The following STAC3 variants were observed in gnomAD, a reference collection of about 807,000 sequenced individuals.
STAC3 encodes SH3 and cysteine-rich domain-containing protein 3.
A neutral mutation model predicts 48.5 loss-of-function variants in STAC3; 30 were observed. The ratio of observed to expected loss-of-function variants is 0.62; its 90% CI spans 0.46 to 0.84. The LOEUF (loss-of-function observed/expected upper bound fraction) is 0.84, where lower values mean the gene tolerates loss of function less well. STAC3 is among the 40% of genes least tolerant of loss of function. STAC3 has a pLI of 0.00. For missense variants in STAC3, 419 were observed against 462.6 expected (o/e 0.91, Z 0.86); for synonymous variants, 144 against 158.6 (o/e 0.91, Z 0.69).
chr12:57,246,727 G>T, intron 6 of STAC3, 77 bp downstream of exon 6: 1 of 1,360,376 alleles, frequency 7.4e-7, no homozygotes, highest in Non-Finnish European at 1.0e-6. Flanking sequence ...CATTACTTCT[G>T]TCAGCTTTCC....
At chr12:57,244,779 G>A in intron 8 of STAC3, 137 bp downstream of exon 8, 2 of 1,368,864 alleles carry the variant, frequency 1.5e-6, no homozygotes, top group Non-Finnish European at 2.1e-6. Context: ...GGGTGTGCAA[G>A]TTGATGGAGA....
At chr12:57,245,311 G>A in intron 6 of STAC3, 100 bp from the exon 7 acceptor site, 3 of 1,084,080 alleles carry the variant, frequency 2.8e-6, no homozygotes, top group Non-Finnish European at 4.1e-6. Context: ...GGATCTCAGA[G>A]ATCTCAGAGT....
intron 2 of STAC3, 38 bp from the exon 3 acceptor site, chr12:57,249,346 A>G (rs748951997): frequency 6.5e-7 from 1 of 1,543,270 alleles, no homozygotes; most frequent in Non-Finnish European, 8.7e-7. Flanking sequence ...TGTTAAAAGG[A>G]CTTGTCACCC....
chr12:57,243,946 C>G (rs750916277), intron 11 of STAC3, 36 bp from the exon 12 acceptor site: 71 of 1,610,700 alleles, frequency 4.4e-5, no homozygotes, highest in Non-Finnish European at 5.9e-5. Context: ...GGAGAGGAAT[C>G]AAAGGAAAAG....
chr12:57,245,261 C>G (rs765305646), intron 6 of STAC3, 50 bp from the exon 7 acceptor site: 1 of 1,540,416 alleles, frequency 6.5e-7, no homozygotes, highest in African/African-American at 1.4e-5. Flanking sequence ...AACACATGCC[C>G]TGGCTGTCTA....
At position 57,244,336 on chromosome 12, in the gene STAC3, G is replaced by A. The variant is rs1321357605; in HGVS notation, c.837C>T (p.Asp279=). The change falls in exon 10 of 12, where the codon GAC becomes GAT. Residue 279 remains aspartate, a synonymous_variant. Transcript: ENST00000332782. Reference sequence around the variant, plus strand: ...TCACCCGCCACCATTCTTCATTGGAGTCATCAATGACTGTGATCTTCTCTC... The same window carrying A: ...TCACCCGCCACCATTCTTCATTGGAATCATCAATGACTGTGATCTTCTCTC... ...PPGEKITVID[D]SNEEWWRGKI... 1.9e-6 allele frequency: 3 copies of A among 1,614,182 alleles called. No individual in the cohort carries two copies. The highest frequency in any genetic ancestry group is 2.5e-6 in the Non-Finnish European group (3 of 1,180,052).
intron 1 of STAC3, among the ~76,000 whole-genome samples, chr12:57,250,031 C>T (rs2037865383): frequency 6.6e-6 from 1 of 152,212 alleles, no homozygotes; most frequent in African/African-American, 2.4e-5. Context: ...GCGTGAGCCA[C>T]TGCACTGGGC....
intron 9 of STAC3, 54 bp from the exon 10 acceptor site, chr12:57,244,420 C>T (rs1033003445): frequency 1.9e-6 from 3 of 1,612,364 alleles, no homozygotes; most frequent in East Asian, 2.2e-5. Flanking sequence ...TGCTGTGCCC[C>T]GGGTCCAGCA....
At position 57,244,485 on chromosome 12, in the gene STAC3, G is replaced by A. The variant is rs372589509; in HGVS notation, c.806+52C>T. The A allele has an allele frequency of 3.8e-5, 61 of 1,612,592 alleles. No individual in the cohort carries two copies. The African/African-American group carries it at 7.7e-4, about 20-fold the overall frequency. On this transcript the variant is annotated intron_variant, in intron 9 of 11. Transcript: ENST00000332782. Reference sequence around the variant, plus strand: ...TTTTCCTTTCCCTTGGGGGAACCCAGCTCTTTCCTCTTCACTCCGCAGTAC... The same window carrying A: ...TTTTCCTTTCCCTTGGGGGAACCCAACTCTTTCCTCTTCACTCCGCAGTAC...
chr12:57,243,548 A>C lies in STAC3; in HGVS notation c.*264T>G. The C allele has an allele frequency of 2.3e-6, 1 of 434,722 alleles. No individual in the cohort carries two copies. 26.9% of individuals were successfully genotyped at this position (434,722 alleles called of 1,614,324 possible). On this transcript the variant is annotated 3_prime_UTR_variant, in exon 12 of 12. Coordinates refer to ENST00000332782, the MANE Select transcript of STAC3 (RefSeq NM_145064.3). ...CCCGCCCCAGTCCCTGGCTCCTCCTAGTAGATACGCGTTTTTTTCCAGCTC... is the reference window on the plus strand; with the variant it reads ...CCCGCCCCAGTCCCTGGCTCCTCCTCGTAGATACGCGTTTTTTTCCAGCTC...
Position 57,243,887 on chromosome 12 carries a change from T to G in STAC3, c.1020A>C (p.Glu340Asp). The change falls in exon 12 of 12, where the codon GAA becomes GAC. Residue 340 changes from glutamate (E) to aspartate (D), a missense_variant. Transcript: ENST00000332782. Reference protein sequence around the residue: ...KDQIVVQKGDEAGGYVKVYTG... With the variant: ...KDQIVVQKGDDAGGYVKVYTG... ...TGTAGACCTTGACGTAGCCGCCCGC[T>G]TCGTCTCCTTTCTGCACCACGATCT... The G allele has an allele frequency of 6.2e-7, 1 of 1,613,710 alleles. No homozygotes were observed. The highest frequency in any genetic ancestry group is 8.5e-7 in the Non-Finnish European group (1 of 1,179,880).
chr12:57,246,767 C>T (rs2037751018), intron 6 of STAC3, 37 bp downstream of exon 6: 1 of 1,569,200 alleles, frequency 6.4e-7, no homozygotes, highest in African/African-American at 1.4e-5. Flanking sequence ...TCCATGGGAT[C>T]TCTGGGAGGG....
In STAC3 at chr12:57,248,151, CT is replaced by C. The variant is rs754352517; in HGVS notation, c.479del (p.Gln160ArgfsTer26). 22 of 1,613,992 alleles carry C rather than the reference CT, an allele frequency of 1.4e-5. No individual in the cohort carries two copies. The highest frequency in any genetic ancestry group is 1.8e-5 in the Non-Finnish European group (21 of 1,179,992). ...RAYSSPLYSNQQYACVKDLSA... is the reference protein window; with the variant it reads ...RAYSSPLYSNXQYACVKDLSA... ...AGAGATCTTTGACACAAGCGTACTG[CT>C]GGTTGCTGTAGAGTGGGGAACTATA... is the stretch of plus-strand genomic sequence containing the variant. On this transcript the variant is annotated frameshift_variant, in exon 5 of 12. Transcript: ENST00000332782. LOFTEE classifies it high-confidence loss of function.
chr12:57,250,233 T>C lies in STAC3; in HGVS notation c.-1-596A>G, dbSNP rs938548461. ...GGTGAAACCCCATCTCTACTAAATA[T>C]ATAAAAATTAGCCGGGTGTGGTGGC... is the stretch of plus-strand genomic sequence containing the variant. On this transcript the variant is annotated intron_variant, in intron 1 of 11. Coordinates refer to ENST00000332782, the MANE Select transcript of STAC3 (RefSeq NM_145064.3). Among the ~76,000 whole-genome samples the C allele has an allele frequency of 2.0e-5, 3 of 151,244 alleles. No homozygotes were observed. In the East Asian group the frequency reaches 5.8e-4, roughly 29 times the overall value.
At chr12:57,249,678 C>T (rs1044606702) in intron 1 of STAC3, 41 bp from the exon 2 acceptor site, 13 of 1,608,056 alleles carry the variant, frequency 8.1e-6, no homozygotes, top group Admixed American at 3.3e-5. Flanking sequence ...TAATCCCTTT[C>T]ATTCTTCTCT....
rs936471757 is a variant in STAC3, at chr12:57,245,236, A to T, written c.604-25T>A. On this transcript the variant is annotated intron_variant, in intron 6 of 11. Coordinates refer to ENST00000332782, the MANE Select transcript of STAC3 (RefSeq NM_145064.3). ...GCTGGAGGGGGCACCAGAGTTAGGGAGACGCTGTCTTGGGAACACATGCCC... is the reference window on the plus strand; with the variant it reads ...GCTGGAGGGGGCACCAGAGTTAGGGTGACGCTGTCTTGGGAACACATGCCC... The T allele has an allele frequency of 2.5e-6, 4 of 1,611,524 alleles. No individual in the cohort carries two copies. The African/African-American group carries it at 5.3e-5, about 22-fold the overall frequency.
chr12:57,250,282 C>T (rs1474206684), intron 1 of STAC3, among the ~76,000 whole-genome samples: 5 of 149,684 alleles, frequency 3.3e-5, no homozygotes, highest in African/African-American at 1.2e-4. Flanking sequence ...CCCATCCACT[C>T]AGGAAGCTGA....
chr12:57,246,311 T>A (rs893437605), intron 6 of STAC3, among the ~76,000 whole-genome samples: 2 of 152,042 alleles, frequency 1.3e-5, no homozygotes, highest in Non-Finnish European at 2.9e-5. Flanking sequence ...TCTAGTTGTT[T>A]TTTGCAGTTG....
At chr12:57,245,258 G>A (rs1403158580) in intron 6 of STAC3, 47 bp from the exon 7 acceptor site, 1 of 1,548,498 alleles carries the variant, frequency 6.5e-7, no homozygotes, top group Non-Finnish European at 8.9e-7. Flanking sequence ...GGGAACACAT[G>A]CCCTGGCTGT....
Sources: gnomAD v4.1 joint callset for allele counts (sites outside exome capture counted in the v4.1 genomes callset) on GRCh38, gnomAD v4.1.1 for gene constraint, MANE v1.5 for transcripts, NCBI Gene and HGNC (gene_info 2026-07-23, HGNC 2026-07-21) for gene names.